Variants in TENT4B observed in about 807,000 individuals in gnomAD.
The protein encoded by TENT4B is terminal nucleotidyltransferase 4B, also known as PAP associated domain containing 5.
TENT4B carries 10 observed loss-of-function variants against 75.0 expected under a neutral mutation model. The observed-to-expected ratio is 0.13, with a 90% CI of 0.08 to 0.23. TENT4B has a LOEUF of 0.23. TENT4B is among the 10% of genes least tolerant of loss of function. The pLI, the probability that TENT4B is intolerant of heterozygous loss-of-function variation, is 1.00. For synonymous variants in TENT4B, 350 were observed against 357.7 expected (o/e 0.98, Z 0.24); for missense variants, 579 against 893.8 (o/e 0.65, Z 4.49).
chr16:50,216,798 C>T (rs936398559), intron 4 of TENT4B, among the ~76,000 whole-genome samples: 41 of 150,972 alleles, frequency 2.7e-4, no homozygotes, highest in Admixed American at 1.3e-3. Flanking sequence ...GGGACTAAGG[C>T]GCACCCTACC....
At chr16:50,207,552 C>T (rs1596724336) in intron 1 of TENT4B, among the ~76,000 whole-genome samples, 1 of 152,136 alleles carries the variant, frequency 6.6e-6, no homozygotes, top group African/African-American at 2.4e-5. Flanking sequence ...CATACAGGTT[C>T]AGATCACGGA....
At chr16:50,158,339 G>C (rs531793333) in intron 1 of TENT4B, among the ~76,000 whole-genome samples, 11 of 149,482 alleles carry the variant, frequency 7.4e-5, no homozygotes, top group Admixed American at 7.3e-4. Context: ...TGCCCACCTT[G>C]GCTTCCCAAA....
chr16:50,229,900 T>G lies in TENT4B; in HGVS notation c.*572T>G, dbSNP rs2032221732. Reference sequence around the variant, plus strand: ...TGTTAATAATACTTTTTACATAACATTACTGTTTAAATTGTAAACAGATTT... The same window carrying G: ...TGTTAATAATACTTTTTACATAACAGTACTGTTTAAATTGTAAACAGATTT... On this transcript the variant is annotated 3_prime_UTR_variant, in exon 12 of 12. Coordinates refer to ENST00000561678, the MANE Select transcript of TENT4B (RefSeq NM_001365324.3). The G allele has an allele frequency of 1.1e-6, 1 of 917,952 alleles. No homozygotes were observed. Among genetic ancestry groups the G allele is most frequent in the Non-Finnish European group, 1.3e-6 (1 of 768,528 alleles). 56.9% of individuals were successfully genotyped at this position (917,952 alleles called of 1,614,324 possible).
intron 2 of TENT4B, among the ~76,000 whole-genome samples, chr16:50,213,072 T>A (rs183306312): frequency 2.8e-4 from 42 of 152,054 alleles, no homozygotes; most frequent in African/African-American, 9.6e-4. Flanking sequence ...ATCATTTTTT[T>A]CCCCCGAGAT....
chr16:50,165,053 GA>G (rs759921422), intron 1 of TENT4B, among the ~76,000 whole-genome samples: 18 of 85,652 alleles, frequency 2.1e-4, no homozygotes, highest in East Asian at 8.0e-4. Flanking sequence ...GACCTCGTCT[GA>G]AAAATTTTTT....
Position 50,235,073 on chromosome 16 carries a change from A to G in TENT4B, c.*5745A>G, listed in dbSNP as rs910999212. 10 of 980,390 alleles carry G rather than the reference A, an allele frequency of 1.0e-5. No individual in the cohort carries two copies. Among genetic ancestry groups the G allele is most frequent in the African/African-American group, 1.8e-5 (1 of 57,078 alleles). The allele number at this position is 980,390 out of a possible 1,614,324, so 60.7% of individuals were successfully genotyped here. A position where few individuals can be genotyped will look rare whatever the true frequency, so the allele number is the denominator to read the frequency against. On this transcript the variant is annotated 3_prime_UTR_variant, in exon 12 of 12. Coordinates refer to ENST00000561678, the MANE Select transcript of TENT4B (RefSeq NM_001365324.3). ...GATATTTGATACAAGTGATTTAAGA[A>G]ATCTCAACATTTCCTGAGGCCGTAT...
chr16:50,218,359 CAG>C (rs2031669308), intron 5 of TENT4B, among the ~76,000 whole-genome samples: 1 of 150,776 alleles, frequency 6.6e-6, no homozygotes, highest in Non-Finnish European at 1.5e-5. Context: ...TTTTTCGAGG[CAG>C]AGTCTCTCTC....
At chr16:50,224,558 G>T in intron 7 of TENT4B, 99 bp from the exon 8 acceptor site, 1 of 1,463,618 alleles carries the variant, frequency 6.8e-7, no homozygotes, top group East Asian at 2.3e-5. Flanking sequence ...AACTCTGGTG[G>T]GATAACTATG....
rs970623475 is a variant in TENT4B at position 50,231,359 on chromosome 16, A to C, written c.*2031A>C. The C allele has an allele frequency of 2.0e-6, 2 of 980,574 alleles. No individual in the cohort carries two copies. Among genetic ancestry groups the C allele is most frequent in the African/African-American group, 3.5e-5 (2 of 57,114 alleles). The allele number at this position is 980,574 out of a possible 1,614,324, so 60.7% of individuals were successfully genotyped here. A position where few individuals can be genotyped will look rare whatever the true frequency, so the allele number is the denominator to read the frequency against. ...ACTTATGTTTACTGCTAAGGGAACA[A>C]TTATTTATAAAATAATATTAAATCC... On this transcript the variant is annotated 3_prime_UTR_variant, in exon 12 of 12. Coordinates refer to ENST00000561678, the MANE Select transcript of TENT4B (RefSeq NM_001365324.3).
intron 1 of TENT4B, among the ~76,000 whole-genome samples, chr16:50,159,309 A>T (rs1451666214): frequency 2.1e-5 from 3 of 144,502 alleles, no homozygotes; most frequent in Non-Finnish European, 3.0e-5. Flanking sequence ...CAGTGGCGCG[A>T]TCTTGGCTCA....
At chr16:50,221,057 C>G (rs1469368813) in intron 5 of TENT4B, among the ~76,000 whole-genome samples, 3 of 152,076 alleles carry the variant, frequency 2.0e-5, no homozygotes, top group African/African-American at 7.2e-5. Context: ...GAGGCCCAGA[C>G]AGGCAGATCA....
At chr16:50,180,732 G>A (rs1004281364) in intron 1 of TENT4B, among the ~76,000 whole-genome samples, 4 of 150,616 alleles carry the variant, frequency 2.7e-5, no homozygotes, top group Non-Finnish European at 5.9e-5. Context: ...AAAATCGTAT[G>A]CAGTAAAGGT....
chr16:50,183,518 AC>A (rs2038464799), intron 1 of TENT4B, among the ~76,000 whole-genome samples: 1 of 99,050 alleles, frequency 1.0e-5, no homozygotes. Context: ...TCACTTAAAA[AC>A]CCTTTTTTTT....
chr16:50,196,685 T>C (rs1038817939), intron 1 of TENT4B, among the ~76,000 whole-genome samples: 1 of 151,392 alleles, frequency 6.6e-6, no homozygotes, highest in Non-Finnish European at 1.5e-5. Context: ...CCCAGCACTT[T>C]GGGAGGCCAA....
intron 6 of TENT4B, 144 bp downstream of exon 6, chr16:50,222,578 G>T: frequency 2.4e-6 from 2 of 837,188 alleles, no homozygotes; most frequent in South Asian, 1.8e-5. Context: ...TTTAAACTGG[G>T]TACATTTTAT....
chr16:50,233,767 A>G lies in TENT4B; in HGVS notation c.*4439A>G. 1 of 985,370 alleles carries G rather than the reference A, an allele frequency of 1.0e-6. No individual in the cohort carries two copies. The highest frequency in any genetic ancestry group is 1.2e-6 in the Non-Finnish European group (1 of 829,928). The allele number at this position is 985,370 out of a possible 1,614,324, so 61.0% of individuals were successfully genotyped here. A position where few individuals can be genotyped will look rare whatever the true frequency, so the allele number is the denominator to read the frequency against. ...TTGAGTTTAACCTTGTCTGTAGCCT[A>G]GTAGCCTGAAAGAAAAGGAGACAGA... On this transcript the variant is annotated 3_prime_UTR_variant, in exon 12 of 12. Transcript: ENST00000561678.
intron 1 of TENT4B, among the ~76,000 whole-genome samples, chr16:50,162,909 T>G (rs567749239): frequency 6.6e-6 from 1 of 152,324 alleles, no homozygotes; most frequent in East Asian, 1.9e-4. Flanking sequence ...GGAGTAAACC[T>G]GTGGTTAGTG....
rs2037825230 is a variant in TENT4B at position 50,153,763 on chromosome 16, G to A, written c.142G>A (p.Gly48Ser). 1.8e-6 allele frequency: 2 copies of A among 1,094,696 alleles called. No individual in the cohort carries two copies. Among genetic ancestry groups the A allele is most frequent in the East Asian group, 6.5e-5 (1 of 15,466 alleles). The allele number at this position is 1,094,696 out of a possible 1,614,324, so 67.8% of individuals were successfully genotyped here. The change falls in exon 1 of 12, where the codon GGC (glycine) becomes AGC (serine). Residue 48 changes from glycine (G) to serine (S), a missense_variant. This residue lies in a region of TENT4B where 253 missense variants were observed against 270.1 expected (regional missense o/e 0.94). Transcript: ENST00000561678. ...HCHSSGGASGGGGSSSSSSTA... is the reference protein window; with the variant it reads ...HCHSSGGASGSGGSSSSSSTA... ...TCACAGCAGCGGCGGCGCGAGCGGC[G>A]GCGGCGGCAGCAGCAGCAGCAGCAG...
In TENT4B at chr16:50,194,197, CTTTCTTTCTCT is replaced by C. The variant is rs1437144214; in HGVS notation, c.639-17116_639-17106del. ...TTCTCTCTCTTTTCTTTTTTCTGTTCTTTCTTTCTCTTTTCTTTCTTTTTTTTTTTTTCTCT... is the reference window on the plus strand; with the variant it reads ...TTCTCTCTCTTTTCTTTTTTCTGTTCTTTCTTTCTTTTTTTTTTTTTCTCT... On this transcript the variant is annotated intron_variant, in intron 1 of 11. Transcript: ENST00000561678. Among the ~76,000 whole-genome samples, 10 of 145,212 alleles carry C rather than the reference CTTTCTTTCTCT, an allele frequency of 6.9e-5. No individual in the cohort carries two copies. The East Asian group carries it at 2.0e-3, about 30-fold the overall frequency.
Sources: gnomAD v4.1 joint callset for allele counts (sites outside exome capture counted in the v4.1 genomes callset) on GRCh38, gnomAD v4.1.1 for gene constraint, gnomAD v4.1.1 regional missense constraint, MANE v1.5 for transcripts, NCBI Gene and HGNC (gene_info 2026-07-23, HGNC 2026-07-21) for gene names.